ZFAND3: variants seen among roughly 807,000 people sequenced by gnomAD.
ZFAND3 encodes the protein zinc finger AN1-type containing 3.
A neutral mutation model predicts 29.6 loss-of-function variants in ZFAND3; 10 were observed. The ratio of observed to expected loss-of-function variants is 0.34; its 90% confidence interval spans 0.21 to 0.57. The LOEUF is 0.57. ZFAND3 is among the 20% of genes least tolerant of loss of function. The pLI is 0.86. For missense variants in ZFAND3, 230 were observed against 304.5 expected (o/e 0.76, Z 1.82); for synonymous variants, 128 against 112.6 (o/e 1.14, Z -0.87).
At chr6:37,965,534 T>G (rs1260561533) in intron 2 of ZFAND3, among the ~76,000 whole-genome samples, 1 of 151,788 alleles carries the variant, frequency 6.6e-6, no homozygotes, top group Non-Finnish European at 1.5e-5. Context: ...CTTATATGAT[T>G]GTTATTCCAC....
chr6:37,977,828 T>TTTTCTTTCTTTCTTCCTTCCTTCCTTCC (rs70981515), intron 2 of ZFAND3, among the ~76,000 whole-genome samples: 1 of 76,420 alleles, frequency 1.3e-5, no homozygotes, highest in Non-Finnish European at 2.6e-5. Flanking sequence ...GTAAAATGCT[T>TTTTCTTTCTTTCTTCCTTCCTTCCTTCC]TTCCTTCCTT....
chr6:38,058,593 T>G (rs1764176243), intron 2 of ZFAND3, among the ~76,000 whole-genome samples: 1 of 152,202 alleles, frequency 6.6e-6, no homozygotes, highest in African/African-American at 2.4e-5. Flanking sequence ...GCTACATTCA[T>G]TGCACTCACT....
intron 5 of ZFAND3, among the ~76,000 whole-genome samples, chr6:38,145,578 G>T (rs1766088425): frequency 6.6e-6 from 1 of 152,200 alleles, no homozygotes; most frequent in Non-Finnish European, 1.5e-5. Flanking sequence ...TCAGATGTTA[G>T]CTTTAAAAGC....
chr6:37,972,434 A>C (rs1274714415), intron 2 of ZFAND3, among the ~76,000 whole-genome samples: 1 of 152,158 alleles, frequency 6.6e-6, no homozygotes, highest in Non-Finnish European at 1.5e-5. Flanking sequence ...TATTCACACT[A>C]AGTGTGGTGT....
At chr6:38,036,783 C>A (rs910330167) in intron 2 of ZFAND3, among the ~76,000 whole-genome samples, 1 of 151,862 alleles carries the variant, frequency 6.6e-6, no homozygotes, top group Non-Finnish European at 1.5e-5. Context: ...CTTTTTCTTT[C>A]AAAAATTTTA....
At chr6:38,029,939 T>A (rs1763520162) in intron 2 of ZFAND3, among the ~76,000 whole-genome samples, 1 of 151,582 alleles carries the variant, frequency 6.6e-6, no homozygotes, top group Non-Finnish European at 1.5e-5. Flanking sequence ...CTTAAATTAT[T>A]CTGTATTTAG....
At chr6:37,859,420 C>A (rs889296290) in intron 1 of ZFAND3, among the ~76,000 whole-genome samples, 1 of 152,198 alleles carries the variant, frequency 6.6e-6, no homozygotes, top group Admixed American at 6.5e-5. Context: ...TTCTCTTCAT[C>A]GCTCTTCCAT....
intron 2 of ZFAND3, among the ~76,000 whole-genome samples, chr6:38,027,721 C>CT (rs1391332647): frequency 6.6e-6 from 1 of 152,190 alleles, no homozygotes; most frequent in Non-Finnish European, 1.5e-5. Flanking sequence ...GGCGGATGCT[C>CT]TCAGCAGAGG....
At chr6:38,010,599 C>CTTT (rs759693005) in intron 2 of ZFAND3, among the ~76,000 whole-genome samples, 2 of 139,362 alleles carry the variant, frequency 1.4e-5, no homozygotes, top group Admixed American at 7.2e-5. Context: ...CGCCCCCAAC[C>CTTT]TTTTTTTTTT....
At chr6:38,114,872 C>G (rs916394682) in intron 4 of ZFAND3, among the ~76,000 whole-genome samples, 1 of 152,182 alleles carries the variant, frequency 6.6e-6, no homozygotes, top group African/African-American at 2.4e-5. Context: ...GAGGGAACAT[C>G]AGTAAACAAA....
intron 1 of ZFAND3, among the ~76,000 whole-genome samples, chr6:37,906,950 A>C (rs1765419419): frequency 6.6e-6 from 1 of 152,110 alleles, no homozygotes; most frequent in Admixed American, 6.6e-5. Context: ...CTTATTTGGA[A>C]ATATATACTT....
chr6:37,879,560 A>C (rs1333487276), intron 1 of ZFAND3, among the ~76,000 whole-genome samples: 2 of 152,164 alleles, frequency 1.3e-5, no homozygotes, highest in Admixed American at 6.5e-5. Context: ...AACCCAATTA[A>C]ATGAGTTAAC....
intron 1 of ZFAND3, among the ~76,000 whole-genome samples, chr6:37,923,677 T>C (rs1761427297): frequency 6.6e-6 from 1 of 152,222 alleles, no homozygotes; most frequent in Non-Finnish European, 1.5e-5. Context: ...CACAGTTGGT[T>C]TGTTTACTGT....
chr6:38,041,687 C>CTTCTTCTTCTTCTTCTT (rs1561976808), intron 2 of ZFAND3, among the ~76,000 whole-genome samples: 2 of 17,234 alleles, frequency 1.2e-4, no homozygotes, highest in Admixed American at 6.9e-4. Flanking sequence ...TTCTTCTTCT[C>CTTCTTCTTCTTCTTCTT]CTTCTCCTTC....
At position 37,860,687 on chromosome 6, in the gene ZFAND3, A is replaced by G. The variant is rs542406924; in HGVS notation, c.71+40671A>G. ...AGGTTTAGATTTTAGTTAACACTAT[A>G]TACCATATATTTACTCTTCTCTGTT... On this transcript the variant is annotated intron_variant, in intron 1 of 5. Transcript: ENST00000287218. Among the ~76,000 whole-genome samples the G allele has an allele frequency of 5.9e-4, 81 of 137,296 alleles. No individual in the cohort carries two copies. In the South Asian group the frequency reaches 0.011, roughly 18 times the overall value. 90.1% of individuals were successfully genotyped at this position (137,296 alleles called of 152,430 possible). A position where few individuals can be genotyped will look rare whatever the true frequency, so the allele number is the denominator to read the frequency against.
At chr6:37,963,116 C>G (rs114645217) in intron 2 of ZFAND3, among the ~76,000 whole-genome samples, 9,839 of 152,144 alleles carry the variant, frequency 0.065, 435 homozygotes, top group Non-Finnish European at 0.093. Context: ...CTGTAACACT[C>G]GCTGCGAGGG....
chr6:37,855,340 T>G (rs1326441577), intron 1 of ZFAND3, among the ~76,000 whole-genome samples: 2 of 149,766 alleles, frequency 1.3e-5, no homozygotes, highest in Non-Finnish European at 3.0e-5. Context: ...TAAGTAGAGA[T>G]AGCGTTTCAC....
intron 1 of ZFAND3, among the ~76,000 whole-genome samples, chr6:37,907,582 G>A (rs930621894): frequency 1.3e-5 from 2 of 152,142 alleles, no homozygotes; most frequent in Non-Finnish European, 2.9e-5. Context: ...TTACTGAGTA[G>A]TATTTCATTC....
Position 37,936,510 on chromosome 6 carries a change from A to G in ZFAND3, c.112+6511A>G, listed in dbSNP as rs552240382. Among the ~76,000 whole-genome samples the G allele has an allele frequency of 7.2e-5, 11 of 152,364 alleles. 1 individual carries two copies. The highest frequency in any genetic ancestry group is 3.3e-4 in the Admixed American group (5 of 15,306). ...GGTCGGTGGACTTTTAAATGTGTGC[A>G]TACTTAATTTTTAATAAACCGTAGA... is the stretch of plus-strand genomic sequence containing the variant. On this transcript the variant is annotated intron_variant, in intron 2 of 5. Coordinates refer to ENST00000287218, the MANE Select transcript of ZFAND3 (RefSeq NM_021943.3).
Sources: gnomAD v4.1 joint callset for allele counts (sites outside exome capture counted in the v4.1 genomes callset) on GRCh38, gnomAD v4.1.1 for gene constraint, MANE v1.5 for transcripts, NCBI Gene and HGNC (gene_info 2026-07-23, HGNC 2026-07-21) for gene names.